The following CNTN5 variants were observed in gnomAD, a reference collection of about 807,000 sequenced individuals.
CNTN5 encodes the protein contactin-5.
Under a neutral mutation model 129.1 loss-of-function variants are expected in CNTN5, and 77 were observed. That is an observed-to-expected ratio of 0.60 (90% CI 0.50 to 0.72). CNTN5 has a LOEUF of 0.72. CNTN5 is among the 30% of genes least tolerant of loss of function. The pLI is 0.00. For synonymous variants in CNTN5, 509 were observed against 465.6 expected, an observed-to-expected ratio of 1.09 and a Z score of -1.20; for missense variants, 1,478 against 1,328.8, an observed-to-expected ratio of 1.11 and a Z score of -1.75.
In CNTN5 at chr11:100,061,231, T is replaced by C. The variant is rs1248103901; in HGVS notation, c.1000T>C (p.Trp334Arg). Residue 334 changes from tryptophan (W) to arginine (R), a missense_variant, in exon 10 of 25, where the codon TGG (tryptophan) becomes CGG (arginine). By Grantham distance (101) the Trp-to-Arg change is moderately radical (BLOSUM62 -3). Coordinates refer to ENST00000524871, the MANE Select transcript of CNTN5 (RefSeq NM_014361.4). ...TCGTAGCCCCGTTCCAACAATCACATGGATGAAGGTTAATGGTTATATTCC... is the reference window on the plus strand; with the variant it reads ...TCGTAGCCCCGTTCCAACAATCACACGGATGAAGGTTAATGGTTATATTCC... ...ALGNPVPTIT[W>R]MKVNGYIPSK... The C allele has an allele frequency of 6.2e-7, 1 of 1,609,392 alleles. No individual in the cohort carries two copies. Among genetic ancestry groups the C allele is most frequent in the Admixed American group, 1.7e-5 (1 of 59,902 alleles).
intron 24 of CNTN5, among the ~76,000 whole-genome samples, chr11:100,353,889 T>C (rs1456772908): frequency 6.6e-6 from 1 of 151,556 alleles, no homozygotes; most frequent in Non-Finnish European, 1.5e-5. Context: ...TCAGACTCTA[T>C]CTTTGCAACT....
intron 1 of CNTN5, among the ~76,000 whole-genome samples, chr11:99,036,649 G>A (rs1455038699): frequency 1.3e-5 from 2 of 152,096 alleles, no homozygotes; most frequent in Non-Finnish European, 2.9e-5. Context: ...TTACTGCCAA[G>A]TTTTCCTCCA....
At chr11:99,621,234 C>A (rs746416223) in intron 3 of CNTN5, among the ~76,000 whole-genome samples, 1 of 151,962 alleles carries the variant, frequency 6.6e-6, no homozygotes, top group African/African-American at 2.4e-5. Flanking sequence ...GTGTTAAATT[C>A]GAGTTAACCA....
intron 3 of CNTN5, among the ~76,000 whole-genome samples, chr11:99,726,222 G>A (rs1327314666): frequency 2.6e-5 from 4 of 152,206 alleles, no homozygotes; most frequent in African/African-American, 9.6e-5. Context: ...ACAGTAGCGA[G>A]CAGTGGAAAC....
intron 1 of CNTN5, among the ~76,000 whole-genome samples, chr11:99,024,162 G>A (rs1863008515): frequency 6.6e-6 from 1 of 152,094 alleles, no homozygotes; most frequent in Non-Finnish European, 1.5e-5. Context: ...TAAGATTTAA[G>A]ATTAAAAACT....
chr11:99,070,287 G>T (rs1015410124), intron 1 of CNTN5, among the ~76,000 whole-genome samples: 1 of 152,110 alleles, frequency 6.6e-6, no homozygotes, highest in African/African-American at 2.4e-5. Flanking sequence ...CCCTCAAGGA[G>T]ATTTTGCGTG....
intron 2 of CNTN5, among the ~76,000 whole-genome samples, chr11:99,522,742 C>T (rs1305215366): frequency 6.6e-6 from 1 of 152,166 alleles, no homozygotes; most frequent in African/African-American, 2.4e-5. Flanking sequence ...ATTCCAGCTA[C>T]TTTTAGGAAA....
intron 2 of CNTN5, among the ~76,000 whole-genome samples, chr11:99,495,979 G>A (rs1434614822): frequency 1.3e-5 from 2 of 152,096 alleles, no homozygotes; most frequent in Non-Finnish European, 2.9e-5. Flanking sequence ...ATGTATTGAA[G>A]GAAAGAAGAG....
intron 2 of CNTN5, among the ~76,000 whole-genome samples, chr11:99,486,580 G>T (rs562071477): frequency 7.2e-5 from 11 of 152,202 alleles, no homozygotes; most frequent in Admixed American, 2.0e-4. Context: ...TTAAAGTGAT[G>T]ATTATTTTTC....
At chr11:99,662,514 A>T (rs896920408) in intron 3 of CNTN5, among the ~76,000 whole-genome samples, 7 of 152,220 alleles carry the variant, frequency 4.6e-5, no homozygotes, top group African/African-American at 1.7e-4. Context: ...ATGATAGATT[A>T]TGCTCATTTT....
intron 2 of CNTN5, among the ~76,000 whole-genome samples, chr11:99,357,341 A>G (rs1460307347): frequency 1.3e-5 from 2 of 152,174 alleles, no homozygotes; most frequent in Non-Finnish European, 2.9e-5. Flanking sequence ...CTGAAATAGC[A>G]AAAGGGTGAG....
intron 1 of CNTN5, among the ~76,000 whole-genome samples, chr11:99,247,448 T>G (rs934638076): frequency 6.6e-6 from 1 of 150,998 alleles, no homozygotes; most frequent in Non-Finnish European, 1.5e-5. Flanking sequence ...CCCTGCTACA[T>G]TTCTTTTATT....
intron 9 of CNTN5, among the ~76,000 whole-genome samples, chr11:100,024,819 G>A (rs999329120): frequency 6.6e-6 from 1 of 152,142 alleles, no homozygotes; most frequent in African/African-American, 2.4e-5. Context: ...GAGGTGACTT[G>A]GGTGCTCTGA....
At chr11:99,782,180 A>G (rs1945335202) in intron 3 of CNTN5, among the ~76,000 whole-genome samples, 1 of 149,528 alleles carries the variant, frequency 6.7e-6, no homozygotes, top group East Asian at 2.0e-4. Context: ...TTATACACCA[A>G]CAACAGACAA....
At chr11:99,351,104 A>G (rs1436432372) in intron 2 of CNTN5, among the ~76,000 whole-genome samples, 1 of 152,126 alleles carries the variant, frequency 6.6e-6, no homozygotes, top group Non-Finnish European at 1.5e-5. Context: ...CCACCATGGC[A>G]CATGTATACC....
In CNTN5 at chr11:99,635,432, G is replaced by A. The variant is rs1261577637; in HGVS notation, c.55+79163G>A. Among the ~76,000 whole-genome samples the A allele has an allele frequency of 3.9e-5, 6 of 152,216 alleles. No homozygotes were observed. In the South Asian group the frequency reaches 6.2e-4, roughly 16 times the overall value. ...CATATTTTTAAACAGCCTGGACAGC[G>A]TAGAGCAGGAGCTTAGCAAATGGTA... On this transcript the variant is annotated intron_variant, in intron 3 of 24. Transcript: ENST00000524871.
chr11:99,795,978 A>G (rs185828116), intron 3 of CNTN5, among the ~76,000 whole-genome samples: 10 of 152,238 alleles, frequency 6.6e-5, no homozygotes, highest in African/African-American at 2.4e-4. Context: ...GCAATGCTAG[A>G]GGGTGGAGTG....
intron 18 of CNTN5, among the ~76,000 whole-genome samples, chr11:100,279,740 A>T (rs1950592646): frequency 6.6e-6 from 1 of 151,340 alleles, no homozygotes; most frequent in Non-Finnish European, 1.5e-5. Flanking sequence ...TTTTAACTTT[A>T]AAAAAACCTT....
At chr11:99,358,680 T>C (rs1236137450) in intron 2 of CNTN5, among the ~76,000 whole-genome samples, 3 of 152,170 alleles carry the variant, frequency 2.0e-5, no homozygotes, top group East Asian at 3.9e-4. Flanking sequence ...CAAATATTAT[T>C]TCAAAATTAA....
Sources: gnomAD v4.1 joint callset for allele counts (sites outside exome capture counted in the v4.1 genomes callset) on GRCh38, gnomAD v4.1.1 for gene constraint, MANE v1.5 for transcripts, NCBI Gene and HGNC (gene_info 2026-07-23, HGNC 2026-07-21) for gene names.